The following GLRA2 variants were observed in gnomAD, a reference collection of about 807,000 sequenced individuals.
GLRA2 encodes glycine receptor alpha 2, also known as glycine receptor subunit alpha-2.
GLRA2 carries 11 observed loss-of-function variants against 31.6 expected under a neutral mutation model. That is an observed-to-expected ratio of 0.35 (90% CI 0.22 to 0.58). The LOEUF is 0.58. Among genes scored for constraint, GLRA2 ranks in the 20% least tolerant of loss-of-function variants. The pLI is 0.84. For missense variants in GLRA2, 212 were observed against 351.8 expected (o/e 0.60, Z 3.18); for synonymous variants, 132 against 134.0 (o/e 0.99, Z 0.10).
At chrX:14,581,515 T>C (rs2090016162) in intron 4 of GLRA2, 109 bp downstream of exon 4, 2 of 482,963 alleles carry the variant, frequency 4.1e-6, no homozygotes, top group Middle Eastern at 4.3e-4. Flanking sequence ...TTGTGGTTTC[T>C]TGTTTATCAT....
chrX:14,576,738 G>T (rs2089963241), intron 3 of GLRA2, among the ~76,000 whole-genome samples: 1 of 112,195 alleles, frequency 8.9e-6, no homozygotes, highest in Admixed American at 9.5e-5. Context: ...TAAATGGGCT[G>T]CTCAGGTACT....
the GLRA2 span, among the ~76,000 whole-genome samples, chrX:14,519,891 G>A: frequency 2.2e-4 from 25 of 112,103 alleles, no homozygotes; most frequent in Admixed American, 1.9e-3. Context: ...ACTAATATTC[G>A]TTGACTGGTT....
chrX:14,520,199 T>C, the GLRA2 span, among the ~76,000 whole-genome samples: 3 of 111,957 alleles, frequency 2.7e-5, no homozygotes, highest in Non-Finnish European at 5.6e-5. Flanking sequence ...CTCCCCAAAA[T>C]ACATTTTCAG....
chrX:14,516,166 A>G, the GLRA2 span, among the ~76,000 whole-genome samples: 1 of 111,037 alleles, frequency 9.0e-6, no homozygotes, highest in Non-Finnish European at 1.9e-5. Context: ...AGGGTCTTCA[A>G]ATAGATTATC....
At chrX:14,661,892 A>AG (rs2090994507) in intron 7 of GLRA2, among the ~76,000 whole-genome samples, 1 of 107,630 alleles carries the variant, frequency 9.3e-6, no homozygotes, top group Non-Finnish European at 1.9e-5. Context: ...AAAAAAAAAA[A>AG]GTAGAAAACA....
intron 7 of GLRA2, among the ~76,000 whole-genome samples, chrX:14,677,319 T>C (rs373064404): frequency 9.0e-6 from 1 of 111,633 alleles, no homozygotes; most frequent in South Asian, 3.7e-4. Context: ...ACACTTACTA[T>C]ATGCACAAAA....
intron 7 of GLRA2, among the ~76,000 whole-genome samples, chrX:14,641,852 C>T (rs887024696): frequency 2.7e-5 from 3 of 112,190 alleles, no homozygotes; most frequent in African/African-American, 9.7e-5. Flanking sequence ...TGTAAATGTA[C>T]TTTCTGGTCC....
rs183039019 is a variant in GLRA2, at chrX:14,594,134, A to T, written c.495-10181A>T. ...AGTTACCACAGTGGAAGTCTTTTTA[A>T]CGCAGCAAAATATCAGCCAGGTAAC... On this transcript the variant is annotated intron_variant, in intron 4 of 8. Transcript: ENST00000218075. Among the ~76,000 whole-genome samples, 15 of 111,961 alleles carry T rather than the reference A, an allele frequency of 1.3e-4. No homozygotes were observed. In the Admixed American group the frequency reaches 1.4e-3, roughly 11 times the overall value.
chrX:14,608,155 A>G (rs958803654), intron 6 of GLRA2, among the ~76,000 whole-genome samples: 10 of 111,458 alleles, frequency 9.0e-5, no homozygotes, highest in Non-Finnish European at 1.9e-4. Flanking sequence ...GAAGAATTCA[A>G]CCCTATATCT....
chrX:14,686,082 T>G (rs1356370819), intron 7 of GLRA2, among the ~76,000 whole-genome samples: 2 of 112,017 alleles, frequency 1.8e-5, no homozygotes, highest in African/African-American at 6.5e-5. Context: ...CAGTAGTCAT[T>G]CAGGAACAGG....
chrX:14,699,462 C>T (rs1294931178), intron 8 of GLRA2, among the ~76,000 whole-genome samples: 1 of 112,018 alleles, frequency 8.9e-6, no homozygotes, highest in Non-Finnish European at 1.9e-5. Flanking sequence ...TTAATTGACA[C>T]ATAATAGTTG....
chrX:14,530,357 C>G (rs1040759368), intron 1 of GLRA2, among the ~76,000 whole-genome samples: 3 of 111,853 alleles, frequency 2.7e-5, no homozygotes, highest in Non-Finnish European at 5.6e-5. Flanking sequence ...CACATTTTCA[C>G]AGCCAACGTG....
intron 4 of GLRA2, among the ~76,000 whole-genome samples, chrX:14,590,637 C>T (rs1392458945): frequency 9.0e-6 from 1 of 111,606 alleles, no homozygotes; most frequent in Admixed American, 9.5e-5. Flanking sequence ...CACATAAGCC[C>T]GTATTTTCTA....
intron 7 of GLRA2, among the ~76,000 whole-genome samples, chrX:14,618,076 C>T (rs756197763): frequency 8.9e-6 from 1 of 112,057 alleles, no homozygotes; most frequent in Non-Finnish European, 1.9e-5. Flanking sequence ...ATAAGAATAT[C>T]GCCATTTAGT....
chrX:14,507,689 CTTTTTTTTTTTTTTTT>C, the GLRA2 span, among the ~76,000 whole-genome samples: 1 of 46,629 alleles, frequency 2.1e-5, no homozygotes, highest in African/African-American at 9.1e-5. Context: ...GAAAGACATT[CTTTTTTTTTTTTTTTT>C]TTTTTTTGGA....
At chrX:14,612,192 A>C (rs976596171) in intron 7 of GLRA2, among the ~76,000 whole-genome samples, 8 of 112,086 alleles carry the variant, frequency 7.1e-5, no homozygotes, top group Non-Finnish European at 1.3e-4. Context: ...TCAAAAGAAG[A>C]GATTTATGCA....
At chrX:14,527,690 A>C (rs1377424266), upstream of GLRA2, among the ~76,000 whole-genome samples, 1 of 112,138 alleles carries the variant, frequency 8.9e-6, no homozygotes, top group East Asian at 2.8e-4. Context: ...ATTTGAGAGA[A>C]ATAATTTTCT....
intron 5 of GLRA2, among the ~76,000 whole-genome samples, chrX:14,604,964 G>T (rs961252601): frequency 8.1e-5 from 9 of 110,809 alleles, no homozygotes; most frequent in African/African-American, 3.0e-4. Flanking sequence ...TAGATAAGCA[G>T]TGGATACACA....
chrX:14,566,745 T>G (rs1299045029), intron 2 of GLRA2, among the ~76,000 whole-genome samples: 2 of 111,461 alleles, frequency 1.8e-5, no homozygotes, highest in Non-Finnish European at 3.8e-5. Flanking sequence ...GACATTTGCC[T>G]GCAAACTTAA....
Sources: gnomAD v4.1 joint callset for allele counts (sites outside exome capture counted in the v4.1 genomes callset) on GRCh38, gnomAD v4.1.1 for gene constraint, MANE v1.5 for transcripts, NCBI Gene and HGNC (gene_info 2026-07-23, HGNC 2026-07-21) for gene names.